The following FRY variants were observed in gnomAD, a reference collection of about 807,000 sequenced individuals.
The protein encoded by FRY is protein furry homolog.
A neutral mutation model predicts 348.4 loss-of-function variants in FRY; 128 were observed. The ratio of observed to expected loss-of-function variants is 0.37; its 90% CI spans 0.32 to 0.43. The LOEUF (loss-of-function observed/expected upper bound fraction) is 0.43, where lower values mean the gene tolerates loss of function less well. Ranked by LOEUF, FRY falls within the 20% of genes least tolerant of loss-of-function variation. The pLI is 1.00. For missense variants in FRY, 2,736 were observed against 3,695.2 expected, an observed-to-expected ratio of 0.74 and a Z score of 6.73; for synonymous variants, 1,370 against 1,374.7, an observed-to-expected ratio of 1.00 and a Z score of 0.08.
intron 56 of FRY, among the ~76,000 whole-genome samples, 179 bp from the exon 57 acceptor site, chr13:32,276,285 C>T (rs1213550839): frequency 6.6e-6 from 1 of 152,164 alleles, no homozygotes; most frequent in Non-Finnish European, 1.5e-5. Flanking sequence ...TTATCAAGCT[C>T]GGATTCAATT....
At chr13:32,037,947 C>T (rs1872601790) in intron 1 of FRY, among the ~76,000 whole-genome samples, 2 of 152,190 alleles carry the variant, frequency 1.3e-5, no homozygotes, top group South Asian at 4.1e-4. Flanking sequence ...AGGGGCTGTT[C>T]TGTAGACTAA....
chr13:32,295,156 T>G, intron 60 of FRY, 46 bp from the exon 61 acceptor site: 3 of 1,596,036 alleles, frequency 1.9e-6, no homozygotes, highest in Non-Finnish European at 2.6e-6. Flanking sequence ...CTCCCAACTT[T>G]GTGACTAATA....
chr13:32,179,439 T>TA (rs570799289), intron 22 of FRY, among the ~76,000 whole-genome samples: 3 of 151,686 alleles, frequency 2.0e-5, no homozygotes, highest in Admixed American at 1.3e-4. Context: ...AAGACCGTTA[T>TA]AAAAAAAATT....
At chr13:32,226,110 A>G (rs747803884) in intron 39 of FRY, 136 bp downstream of exon 39, 60 of 718,096 alleles carry the variant, frequency 8.4e-5, no homozygotes, top group Non-Finnish European at 1.3e-4. Context: ...TCAACAGTAC[A>G]ATAAATACAC....
chr13:32,178,588 T>G (rs992930260), intron 21 of FRY, 152 bp downstream of exon 21: 1 of 961,770 alleles, frequency 1.0e-6, no homozygotes, highest in Admixed American at 2.5e-5. Context: ...TTAAAAAAAT[T>G]TTGTCTAAAG....
chr13:32,115,471 A>G (rs927472185), intron 3 of FRY, among the ~76,000 whole-genome samples: 4 of 152,162 alleles, frequency 2.6e-5, no homozygotes, highest in Non-Finnish European at 5.9e-5. Flanking sequence ...CACAATTTGT[A>G]TGGGCTTATG....
intron 11 of FRY, among the ~76,000 whole-genome samples, chr13:32,145,765 C>T (rs958022787): frequency 1.3e-5 from 2 of 151,282 alleles, no homozygotes; most frequent in African/African-American, 4.9e-5. Flanking sequence ...AGGATGGTCT[C>T]GATCTCCTGA....
At chr13:32,088,395 G>A (rs1056302366) in intron 2 of FRY, among the ~76,000 whole-genome samples, 3 of 152,166 alleles carry the variant, frequency 2.0e-5, no homozygotes, top group Non-Finnish European at 4.4e-5. Flanking sequence ...TAAAATAGCT[G>A]TTTCTTAGCA....
intron 38 of FRY, 108 bp downstream of exon 38, chr13:32,225,144 A>G: frequency 1.3e-6 from 1 of 745,006 alleles, no homozygotes; most frequent in Non-Finnish European, 2.4e-6. Context: ...CATTTCGGGA[A>G]TATTCTATCT....
At chr13:32,147,144 G>A in intron 11 of FRY, 138 bp from the exon 12 acceptor site, 1 of 654,572 alleles carries the variant, frequency 1.5e-6, no homozygotes, top group South Asian at 1.6e-5. Flanking sequence ...GTAAGTCCCA[G>A]GTGATGCAAT....
chr13:32,104,939 C>T (rs958489890), intron 3 of FRY, among the ~76,000 whole-genome samples: 7 of 152,170 alleles, frequency 4.6e-5, no homozygotes, highest in Non-Finnish European at 7.3e-5. Context: ...CATGCAGAAC[C>T]GTGAGCCAAT....
At chr13:32,086,339 C>T (rs1047888413) in intron 2 of FRY, among the ~76,000 whole-genome samples, 3 of 152,206 alleles carry the variant, frequency 2.0e-5, no homozygotes, top group African/African-American at 7.2e-5. Context: ...GCAAAGTCAC[C>T]TACGTGTGAT....
chr13:32,194,606 T>A (rs1883564185), intron 29 of FRY, among the ~76,000 whole-genome samples: 2 of 152,162 alleles, frequency 1.3e-5, no homozygotes, highest in Admixed American at 1.3e-4. Flanking sequence ...ATTAAAGGAA[T>A]GTCTAGAAAT....
chr13:32,060,661 G>A (rs141912425), intron 1 of FRY, among the ~76,000 whole-genome samples: 1,693 of 152,242 alleles, frequency 0.011, 15 homozygotes, highest in Non-Finnish European at 0.016. Context: ...ACCCCAGCCC[G>A]TTAGATCCAG....
At chr13:32,118,040 A>C (rs56677004) in intron 4 of FRY, among the ~76,000 whole-genome samples, 12,739 of 152,084 alleles carry the variant, frequency 0.084, 591 homozygotes, top group African/African-American at 0.14. Context: ...TTGTTTATTT[A>C]TTCTCTGTTC....
At chr13:32,221,241 C>A (rs1399324884) in intron 36 of FRY, among the ~76,000 whole-genome samples, 2 of 152,224 alleles carry the variant, frequency 1.3e-5, no homozygotes, top group Non-Finnish European at 2.9e-5. Flanking sequence ...GCATTCTACA[C>A]TGGACCAGCA....
At chr13:32,169,574 A>G (rs894908432) in intron 17 of FRY, among the ~76,000 whole-genome samples, 3 of 152,152 alleles carry the variant, frequency 2.0e-5, no homozygotes, top group African/African-American at 7.2e-5. Context: ...TCCAGAGTAC[A>G]CACTCTGAAT....
At chr13:32,132,738 A>G (rs892096861) in intron 8 of FRY, among the ~76,000 whole-genome samples, 1 of 152,244 alleles carries the variant, frequency 6.6e-6, no homozygotes, top group Non-Finnish European at 1.5e-5. Flanking sequence ...CTTGAACACA[A>G]ATGTTCATAG....
rs1196091031 is a variant in FRY at position 32,178,160 on chromosome 13, A to G, written c.2422-17A>G. On this transcript the variant is annotated splice_polypyrimidine_tract_variant and intron_variant, in intron 20 of 60. Transcript: ENST00000542859. ...TCAGTTCGGGTTTAACTTACAACCT[A>G]CCTCTTATACCTACAGGCAACATTA... The G allele has an allele frequency of 1.2e-6, 2 of 1,613,908 alleles. No individual in the cohort carries two copies. The highest frequency in any genetic ancestry group is 3.3e-5 in the Admixed American group (2 of 60,008).
Sources: gnomAD v4.1 joint callset for allele counts (sites outside exome capture counted in the v4.1 genomes callset) on GRCh38, gnomAD v4.1.1 for gene constraint, MANE v1.5 for transcripts, NCBI Gene and HGNC (gene_info 2026-07-23, HGNC 2026-07-21) for gene names.